NLRC4: variants seen among roughly 807,000 people sequenced by gnomAD.
NLRC4 encodes NLR family CARD domain containing 4, also known as NLR family CARD domain-containing protein 4.
Under a neutral mutation model 79.9 loss-of-function variants are expected in NLRC4, and 63 were observed. The ratio of observed to expected loss-of-function variants is 0.79; its 90% CI spans 0.64 to 0.97. The LOEUF is 0.97. Ranked by LOEUF, NLRC4 falls within the 50% of genes least tolerant of loss-of-function variation. NLRC4 has a pLI of 0.00. For synonymous variants in NLRC4, 461 were observed against 456.5 expected (o/e 1.01, Z -0.12); for missense variants, 1,074 against 1,215.2 (o/e 0.88, Z 1.73).
Position 32,235,567 on chromosome 2 carries a change from G to A in NLRC4, c.2616C>T (p.Ile872=), listed in dbSNP as rs1175991794. 7 of 1,612,538 alleles carry A rather than the reference G, an allele frequency of 4.3e-6. No homozygotes were observed. The highest frequency in any genetic ancestry group is 1.7e-5 in the Admixed American group (1 of 59,934). The change falls in exon 8 of 9, where the codon ATC becomes ATT. Residue 872 remains isoleucine (I), a splice_region_variant and synonymous_variant. Coordinates refer to ENST00000402280, the MANE Select transcript of NLRC4 (RefSeq NM_001199138.2). ...GCTGTTCTAGCACGTTCATCCTGTC[G>A]ACTGGAAGAAACAAAGAGCAGTTCA... ...KDGNEALHEL[I]DRMNVLEQLT...
chr2:32,250,737 T>G lies in NLRC4; in HGVS notation c.1127A>C (p.His376Pro), dbSNP rs527884055. Reference protein sequence around the residue: ...FYDLLIQKNKHKHKGVAASDF... With the variant: ...FYDLLIQKNKPKHKGVAASDF... The stretch of plus-strand genomic sequence containing the variant: ...ACTTGCAGCCACACCTTTATGTTTG[T>G]GTTTGTTTTTCTGTATCAACAGATC... The change falls in exon 4 of 9, where the codon CAC becomes CCC. Residue 376 changes from histidine (H) to proline (P), a missense_variant. Physicochemically the swap from His to Pro is moderately conservative, Grantham distance 77. Coordinates refer to ENST00000402280, the MANE Select transcript of NLRC4 (RefSeq NM_001199138.2). The surrounding 1 kb of genome is among the most constrained non-coding windows in gnomAD (Gnocchi z 4.9). The G allele has an allele frequency of 1.2e-6, 2 of 1,614,164 alleles. No individual in the cohort carries two copies. The highest frequency in any genetic ancestry group is 1.1e-5 in the South Asian group (1 of 91,078).
At chr2:32,248,147 A>C (rs1281691998) in intron 4 of NLRC4, among the ~76,000 whole-genome samples, 2 of 152,192 alleles carry the variant, frequency 1.3e-5, no homozygotes, top group Non-Finnish European at 2.9e-5. Context: ...TATAAAAATA[A>C]ATAATAAATA....
At chr2:32,252,770 G>A (rs1300149436) in intron 2 of NLRC4, 91 bp from the exon 3 acceptor site, 3 of 1,133,988 alleles carry the variant, frequency 2.6e-6, no homozygotes, top group Admixed American at 4.0e-5. Flanking sequence ...TGTAATCCCA[G>A]CACTTTGGGA....
intron 4 of NLRC4, among the ~76,000 whole-genome samples, chr2:32,242,028 T>G (rs759048440): frequency 6.6e-6 from 1 of 152,096 alleles, no homozygotes; most frequent in Non-Finnish European, 1.5e-5. Context: ...ATCAAAGTTA[T>G]TATGCCTTTA....
intron 8 of NLRC4, among the ~76,000 whole-genome samples, chr2:32,233,349 A>ATATATATTTTT (rs1418146489): frequency 4.9e-5 from 2 of 41,102 alleles, no homozygotes; most frequent in Non-Finnish European, 8.8e-5. Context: ...ATATATATAT[A>ATATATATTTTT]TTTTTTTTTT....
upstream of NLRC4, chr2:32,265,453 T>C (rs1328431847): frequency 6.6e-6 from 1 of 152,364 alleles, no homozygotes; most frequent in East Asian, 1.9e-4. Context: ...AGTGCTGGGA[T>C]TACAGGCGTG....
intron 8 of NLRC4, among the ~76,000 whole-genome samples, chr2:32,235,012 T>A (rs1215507814): frequency 2.0e-5 from 3 of 152,230 alleles, no homozygotes; most frequent in Non-Finnish European, 4.4e-5. Flanking sequence ...TTTAAAGATA[T>A]TTTGTGGCTC....
chr2:32,232,904 T>G (rs1686571533), intron 8 of NLRC4, among the ~76,000 whole-genome samples: 1 of 152,054 alleles, frequency 6.6e-6, no homozygotes, highest in African/African-American at 2.4e-5. Flanking sequence ...ATCTAGTCAT[T>G]GCATGCTCAT....
chr2:32,239,980 T>C (rs1218036602), intron 5 of NLRC4, among the ~76,000 whole-genome samples: 1 of 152,148 alleles, frequency 6.6e-6, no homozygotes, highest in Non-Finnish European at 1.5e-5. Flanking sequence ...TGTTTTGCTT[T>C]TGTTTTTGTT....
rs1384822088 is a variant in NLRC4 at position 32,224,662 on chromosome 2, C to T, written c.2886G>A (p.Glu962=). ...DGWLAFMGVF[E]NLKQLVFFDF... ...CAAAAAACACTAATTGCTTAAGATTCTCAAATACACCCATGAAGGCAAGCC... is the reference window on the plus strand; with the variant it reads ...CAAAAAACACTAATTGCTTAAGATTTTCAAATACACCCATGAAGGCAAGCC... Residue 962 remains glutamate (E), a synonymous_variant, in exon 9 of 9, where the codon GAG becomes GAA. Coordinates refer to ENST00000402280, the MANE Select transcript of NLRC4 (RefSeq NM_001199138.2). 19 of 1,613,016 alleles carry T rather than the reference C, an allele frequency of 1.2e-5. No homozygotes were observed. Among genetic ancestry groups the T allele is most frequent in the Non-Finnish European group, 1.6e-5 (19 of 1,179,222 alleles).
intron 8 of NLRC4, among the ~76,000 whole-genome samples, chr2:32,225,372 C>T (rs1388977797): frequency 1.3e-5 from 2 of 149,720 alleles, no homozygotes; most frequent in African/African-American, 2.5e-5. Context: ...CTTTCTGATA[C>T]ACAAAGAATG....
intron 8 of NLRC4, among the ~76,000 whole-genome samples, chr2:32,230,737 A>G (rs995559121): frequency 6.6e-6 from 1 of 152,202 alleles, no homozygotes; most frequent in Admixed American, 6.5e-5. Context: ...AAACATTAAT[A>G]TACAAGTTTT....
At chr2:32,232,327 G>T (rs978278021) in intron 8 of NLRC4, among the ~76,000 whole-genome samples, 1 of 152,108 alleles carries the variant, frequency 6.6e-6, no homozygotes, top group Admixed American at 6.6e-5. Context: ...AAATTTGTCA[G>T]TATGAACTTG....
rs1686963421 is a variant in NLRC4, at chr2:32,247,399, C to T, written c.2257+2208G>A. On this transcript the variant is annotated intron_variant, in intron 4 of 8. Coordinates refer to ENST00000402280, the MANE Select transcript of NLRC4 (RefSeq NM_001199138.2). The stretch of plus-strand genomic sequence containing the variant: ...GCGTGATCTCGGCCCACCGCAACCT[C>T]CACCTCCCAGGTTCAAGTGATTCTC... Among the ~76,000 whole-genome samples, 3 of 150,062 alleles carry T rather than the reference C, an allele frequency of 2.0e-5. 1 individual carries two copies. Among genetic ancestry groups the T allele is most frequent in the Admixed American group, 2.0e-4 (3 of 15,076 alleles).
upstream of NLRC4, among the ~76,000 whole-genome samples, chr2:32,265,160 A>T (rs1212809818): frequency 6.6e-6 from 1 of 151,366 alleles, no homozygotes; most frequent in African/African-American, 2.4e-5. Flanking sequence ...AACATCCAAC[A>T]TATATTTTTT....
intron 8 of NLRC4, among the ~76,000 whole-genome samples, chr2:32,233,592 A>G (rs977794850): frequency 6.6e-6 from 1 of 151,812 alleles, no homozygotes; most frequent in African/African-American, 2.4e-5. Context: ...ATAGTTTCCA[A>G]AGTTCCTCTG....
intron 2 of NLRC4, among the ~76,000 whole-genome samples, chr2:32,254,717 C>T (rs1687165023): frequency 6.8e-6 from 1 of 148,104 alleles, no homozygotes; most frequent in Non-Finnish European, 1.5e-5. Context: ...CTGCCAGGTT[C>T]AAGCAATTCC....
chr2:32,241,369 C>CTTTTTTT (rs34150887), intron 4 of NLRC4, among the ~76,000 whole-genome samples: 7 of 74,356 alleles, frequency 9.4e-5, no homozygotes, highest in Admixed American at 2.2e-4. Context: ...AAAAAATTTC[C>CTTTTTTT]TTTTTTTTTT....
intron 8 of NLRC4, among the ~76,000 whole-genome samples, chr2:32,234,633 G>A (rs1686630393): frequency 6.6e-6 from 1 of 152,150 alleles, no homozygotes; most frequent in East Asian, 1.9e-4. Flanking sequence ...AAATGAGTGG[G>A]CTGCCATGTT....
Sources: allele counts gnomAD v4.1 joint callset (sites outside exome capture counted in the v4.1 genomes callset), GRCh38; gene constraint gnomAD v4.1.1; non-coding constraint Gnocchi (gnomAD v3.1); transcripts MANE v1.5; gene names NCBI Gene and HGNC (gene_info 2026-07-23, HGNC 2026-07-21).